The following STXBP5L variants were observed in gnomAD, a reference collection of about 807,000 sequenced individuals.
STXBP5L encodes the protein syntaxin-binding protein 5-like.
STXBP5L carries 65 observed loss-of-function variants against 144.5 expected under a neutral mutation model. The ratio of observed to expected loss-of-function variants is 0.45; its 90% CI spans 0.37 to 0.55. The LOEUF (loss-of-function observed/expected upper bound fraction) is 0.55. Among genes scored for constraint, STXBP5L ranks in the 20% least tolerant of loss-of-function variants. STXBP5L has a pLI of 0.00. For synonymous variants in STXBP5L, 505 were observed against 469.6 expected (o/e 1.08, Z -0.97); for missense variants, 1,298 against 1,405.5 (o/e 0.92, Z 1.22).
At chr3:121,000,077 CTG>C (rs1943650625) in intron 3 of STXBP5L, among the ~76,000 whole-genome samples, 1 of 152,056 alleles carries the variant, frequency 6.6e-6, no homozygotes, top group African/African-American at 2.4e-5. Flanking sequence ...AATCTGATGA[CTG>C]TGTGTTTTGG....
chr3:121,362,158 T>C (rs547398240), intron 20 of STXBP5L, among the ~76,000 whole-genome samples: 1 of 152,346 alleles, frequency 6.6e-6, no homozygotes, highest in South Asian at 2.1e-4. Context: ...TCTCTCTCTC[T>C]ATTCTAAGCC....
At chr3:121,301,442 T>G (rs1475001629) in intron 19 of STXBP5L, among the ~76,000 whole-genome samples, 1 of 152,218 alleles carries the variant, frequency 6.6e-6, no homozygotes, top group African/African-American at 2.4e-5. Flanking sequence ...AAGGAGATTT[T>G]GGGCTGAGAT....
At chr3:121,297,437 T>G (rs571778134) in intron 19 of STXBP5L, among the ~76,000 whole-genome samples, 1 of 152,044 alleles carries the variant, frequency 6.6e-6, no homozygotes, top group African/African-American at 2.4e-5. Flanking sequence ...GCCAAGAACT[T>G]TAAAAGAACT....
chr3:121,347,334 C>A (rs1190942034), intron 20 of STXBP5L, among the ~76,000 whole-genome samples: 1 of 152,154 alleles, frequency 6.6e-6, no homozygotes, highest in Non-Finnish European at 1.5e-5. Context: ...GTACCAGTAC[C>A]ATGCTGTTTT....
At chr3:121,258,998 T>A (rs1164675659) in intron 17 of STXBP5L, 45 bp from the exon 18 acceptor site, 3 of 1,493,268 alleles carry the variant, frequency 2.0e-6, no homozygotes, top group East Asian at 4.9e-5. Flanking sequence ...AGTTTGACCA[T>A]GTTTATTTAA....
At chr3:120,956,039 A>G (rs1683976) in intron 3 of STXBP5L, among the ~76,000 whole-genome samples, 131,246 of 151,822 alleles carry the variant, frequency 0.86, 57,042 homozygotes, top group Non-Finnish European at 0.91. Context: ...CCATTCACCT[A>G]TTCAAAGAAA....
intron 19 of STXBP5L, among the ~76,000 whole-genome samples, chr3:121,307,850 G>A (rs2043391221): frequency 6.6e-6 from 1 of 151,718 alleles, no homozygotes; most frequent in Non-Finnish European, 1.5e-5. Context: ...AAGATAAATG[G>A]AAAAATATCT....
chr3:121,411,214 A>G (rs2047107697), intron 23 of STXBP5L, among the ~76,000 whole-genome samples: 1 of 152,154 alleles, frequency 6.6e-6, no homozygotes, highest in Non-Finnish European at 1.5e-5. Flanking sequence ...CTCAATAGCT[A>G]CATGTGGTTA....
chr3:120,964,464 A>G (rs1353752504), intron 3 of STXBP5L, among the ~76,000 whole-genome samples: 1 of 152,126 alleles, frequency 6.6e-6, no homozygotes, highest in African/African-American at 2.4e-5. Context: ...AGATTCTGGT[A>G]TGTTGTGTCT....
At chr3:121,011,053 A>G (rs186742598) in intron 3 of STXBP5L, among the ~76,000 whole-genome samples, 2 of 150,194 alleles carry the variant, frequency 1.3e-5, no homozygotes, top group African/African-American at 4.9e-5. Flanking sequence ...TCTTTCTTGT[A>G]TTATGTTTTA....
At chr3:121,087,838 T>A (rs1193715393) in intron 5 of STXBP5L, among the ~76,000 whole-genome samples, 1 of 152,110 alleles carries the variant, frequency 6.6e-6, no homozygotes, top group South Asian at 2.1e-4. Context: ...TTTGTATCAC[T>A]TTTTAAAGAG....
chr3:120,954,903 C>A (rs1161820030), intron 2 of STXBP5L, 37 bp from the exon 3 acceptor site: 3 of 1,544,380 alleles, frequency 1.9e-6, no homozygotes, highest in Non-Finnish European at 2.7e-6. Flanking sequence ...ATTTTTATTT[C>A]CCTAGAGACT....
chr3:121,106,480 G>C (rs2043714630), intron 5 of STXBP5L, among the ~76,000 whole-genome samples: 1 of 152,104 alleles, frequency 6.6e-6, no homozygotes, highest in African/African-American at 2.4e-5. Context: ...TACTTAATAA[G>C]TGAGAACATG....
At chr3:121,064,645 T>C (rs774696094) in intron 5 of STXBP5L, among the ~76,000 whole-genome samples, 2 of 152,238 alleles carry the variant, frequency 1.3e-5, no homozygotes, top group East Asian at 3.8e-4. Flanking sequence ...GCTTAGAGTC[T>C]TTGCTTTCTC....
intron 3 of STXBP5L, among the ~76,000 whole-genome samples, chr3:120,963,690 A>AT (rs1352398613): frequency 6.6e-6 from 1 of 152,106 alleles, no homozygotes; most frequent in Admixed American, 6.5e-5. Flanking sequence ...TTTATTGAGG[A>AT]TTTTTGCAGC....
chr3:121,087,409 C>A (rs2042550509), intron 5 of STXBP5L, among the ~76,000 whole-genome samples: 2 of 151,906 alleles, frequency 1.3e-5, no homozygotes, highest in Admixed American at 6.6e-5. Context: ...GGTAGAGTGA[C>A]CATTTTATTA....
At chr3:121,173,323 T>TGTAATAATAATA (rs1491168370) in intron 9 of STXBP5L, among the ~76,000 whole-genome samples, 1 of 146,524 alleles carries the variant, frequency 6.8e-6, no homozygotes, top group African/African-American at 2.5e-5. Flanking sequence ...GAACTTAAAA[T>TGTAATAATAATA]ATAATAATAA....
chr3:121,133,909 T>A (rs1248476556), intron 7 of STXBP5L, among the ~76,000 whole-genome samples: 1 of 152,088 alleles, frequency 6.6e-6, no homozygotes, highest in Non-Finnish European at 1.5e-5. Context: ...AACTCCCTCA[T>A]TATCAAGAGA....
intron 11 of STXBP5L, among the ~76,000 whole-genome samples, chr3:121,224,836 G>A (rs562763275): frequency 5.9e-5 from 9 of 152,200 alleles, no homozygotes; most frequent in African/African-American, 1.9e-4. Context: ...GAGAACAGAA[G>A]ACCAACAGCT....
Sources: allele counts gnomAD v4.1 joint callset (sites outside exome capture counted in the v4.1 genomes callset), GRCh38; gene constraint gnomAD v4.1.1; transcripts MANE v1.5; gene names NCBI Gene and HGNC (gene_info 2026-07-23, HGNC 2026-07-21).